SMC2: variants seen among roughly 807,000 people sequenced by gnomAD.
The protein encoded by SMC2 is structural maintenance of chromosomes 2.
SMC2 carries 41 observed loss-of-function variants against 142.6 expected under a neutral mutation model. The observed-to-expected ratio is 0.29, with a 90% CI of 0.22 to 0.37. SMC2 has a LOEUF of 0.37. Ranked by LOEUF, SMC2 falls within the 10% of genes least tolerant of loss-of-function variation. The pLI is 1.00. For missense variants in SMC2, 1,265 were observed against 1,373.7 expected, an observed-to-expected ratio of 0.92 and a Z score of 1.25; for synonymous variants, 463 against 457.5, an observed-to-expected ratio of 1.01 and a Z score of -0.15.
rs533558909 is a variant in SMC2 at position 104,129,856 on chromosome 9, T to G, written c.2991+11T>G. On this transcript the variant is annotated intron_variant, in intron 21 of 24. Transcript: ENST00000374793. ...GAAGCTGAAGAGCGAGTAAGTCAATTTCTTATGAATATCTGGCCGCATTAG... is the reference window on the plus strand; with the variant it reads ...GAAGCTGAAGAGCGAGTAAGTCAATGTCTTATGAATATCTGGCCGCATTAG... 1.2e-6 allele frequency: 2 copies of G among 1,600,360 alleles called. No homozygotes were observed. The highest frequency in any genetic ancestry group is 1.3e-5 in the African/African-American group (1 of 74,728).
chr9:104,111,704 G>A lies in SMC2; in HGVS notation c.1144G>A (p.Ala382Thr), dbSNP rs375645056. Reference sequence around the variant, plus strand: ...GGCAGCTGCACAGCAGCACTTCAATGCTGTTTCCGCTGGCCTGTCCAGTAA... The same window carrying A: ...GGCAGCTGCACAGCAGCACTTCAATACTGTTTCCGCTGGCCTGTCCAGTAA... ...ALAAAQQHFN[A>T]VSAGLSSNED... Residue 382 changes from alanine to threonine, a missense_variant, in exon 10 of 25, where the codon GCT becomes ACT. By Grantham distance (58) the Ala-to-Thr change is moderately conservative. Transcript: ENST00000374793. The A allele has an allele frequency of 1.2e-6, 2 of 1,613,990 alleles. No individual in the cohort carries two copies. Among genetic ancestry groups the A allele is most frequent in the Non-Finnish European group, 1.7e-6 (2 of 1,179,970 alleles).
chr9:104,110,089 A>T (rs1261961640), intron 9 of SMC2, among the ~76,000 whole-genome samples: 3 of 152,200 alleles, frequency 2.0e-5, no homozygotes, highest in Non-Finnish European at 4.4e-5. Context: ...TAAGTTGCAG[A>T]GCTCAGTAGA....
upstream of SMC2, chr9:104,092,336 C>A (rs1388775342): frequency 1.3e-5 from 2 of 152,188 alleles, no homozygotes; most frequent in African/African-American, 4.8e-5. Flanking sequence ...ATGTTTTCAT[C>A]CATGTGACGT....
At chr9:104,124,119 G>GTC (rs1206876525) in intron 17 of SMC2, among the ~76,000 whole-genome samples, 1 of 152,252 alleles carries the variant, frequency 6.6e-6, no homozygotes, top group East Asian at 1.9e-4. Context: ...TTGAGACGGA[G>GTC]TCTCTCTCTG....
chr9:104,089,660 A>AT (rs551561937), upstream of SMC2, among the ~76,000 whole-genome samples: 16 of 150,640 alleles, frequency 1.1e-4, no homozygotes, highest in Middle Eastern at 3.4e-3. Context: ...GTACATGAAA[A>AT]TTTTTTTTTT....
At chr9:104,104,134 AGGT>A (rs1350352044) in intron 9 of SMC2, among the ~76,000 whole-genome samples, 2 of 152,132 alleles carry the variant, frequency 1.3e-5, no homozygotes, top group Admixed American at 1.3e-4. Flanking sequence ...CTCACGCCAT[AGGT>A]GGTCTCATCC....
chr9:104,138,267 A>ATCAACCC, intron 24 of SMC2, 102 bp downstream of exon 24: 1 of 926,540 alleles, frequency 1.1e-6, no homozygotes, highest in Non-Finnish European at 1.5e-6. Flanking sequence ...TTTAGGGTTG[A>ATCAACCC]TAAATACTAA....
chr9:104,097,737 C>G (rs1830619307), intron 3 of SMC2, among the ~76,000 whole-genome samples: 1 of 152,092 alleles, frequency 6.6e-6, no homozygotes, highest in South Asian at 2.1e-4. Flanking sequence ...GAACTACCAA[C>G]CTAGTAGTCC....
chr9:104,106,389 T>A (rs1040433535), intron 9 of SMC2, among the ~76,000 whole-genome samples: 5 of 152,144 alleles, frequency 3.3e-5, no homozygotes, highest in African/African-American at 1.2e-4. Context: ...TATTTTATTT[T>A]ATTTATTTAT....
rs139309078 is a variant in SMC2, at chr9:104,118,297, G to A, written c.1918G>A (p.Ala640Thr). 15 of 1,613,400 alleles carry A rather than the reference G, an allele frequency of 9.3e-6. No individual in the cohort carries two copies. The highest frequency in any genetic ancestry group is 5.0e-5 in the Admixed American group (3 of 59,956). ...CAATATGGATAATGCCAAAAAAGTG[G>A]CCTTTGATAAGAGGATAATGACTAG... ...CDNMDNAKKV[A>T]FDKRIMTRTV... is the part of the protein sequence containing the mutation. The change falls in exon 15 of 25, where the codon GCC (alanine) becomes ACC (threonine). Residue 640 changes from alanine (A) to threonine (T), a missense_variant. Ala to Thr is a moderately conservative substitution (Grantham distance 58). Transcript: ENST00000374793.
chr9:104,120,924 A>G (rs754516663), intron 16 of SMC2, among the ~76,000 whole-genome samples: 2 of 152,176 alleles, frequency 1.3e-5, no homozygotes, highest in Non-Finnish European at 2.9e-5. Context: ...AGCGGATGAT[A>G]AAGAAAGATA....
Position 104,139,229 on chromosome 9 carries a change from A to G in SMC2, c.3508A>G (p.Arg1170Gly). 1 of 1,602,544 alleles carries G rather than the reference A, an allele frequency of 6.2e-7. No homozygotes were observed. Among genetic ancestry groups the G allele is most frequent in the Non-Finnish European group, 8.5e-7 (1 of 1,176,034 alleles). ...KFVDGVSTVA[R>G]FTQCQNGKIS... Reference sequence around the variant, plus strand: ...TGTGGATGGTGTTTCTACAGTAGCCAGATTTACTCAATGTCAAAATGGAAA... The same window carrying G: ...TGTGGATGGTGTTTCTACAGTAGCCGGATTTACTCAATGTCAAAATGGAAA... The change falls in exon 25 of 25, where the codon AGA becomes GGA. Residue 1170 changes from arginine to glycine, a missense_variant. Transcript: ENST00000374793.
At chr9:104,112,126 C>G (rs1375852352) in intron 10 of SMC2, among the ~76,000 whole-genome samples, 1 of 152,118 alleles carries the variant, frequency 6.6e-6, no homozygotes, top group Non-Finnish European at 1.5e-5. Flanking sequence ...TTATTCTTGT[C>G]TCTTTTTGGC....
chr9:104,096,989 T>C (rs186505110), intron 3 of SMC2, among the ~76,000 whole-genome samples: 3 of 152,290 alleles, frequency 2.0e-5, no homozygotes, highest in Admixed American at 1.3e-4. Flanking sequence ...TATTCTACTT[T>C]TATTTTTCCC....
intron 18 of SMC2, 80 bp from the exon 19 acceptor site, chr9:104,126,557 ATTAT>A (rs35219521): frequency 0.53 from 528,316 of 1,006,052 alleles, 143,212 homozygotes; most frequent in Middle Eastern, 0.58. Flanking sequence ...GCATGAGATT[ATTAT>A]TTATTTAATT....
upstream of SMC2, among the ~76,000 whole-genome samples, chr9:104,091,926 C>T (rs185953366): frequency 1.2e-4 from 19 of 152,306 alleles, no homozygotes; most frequent in East Asian, 3.7e-3. Context: ...GCTTGAAACA[C>T]TGCCCGCTAG....
At chr9:104,096,320 G>A in intron 3 of SMC2, 23 bp downstream of exon 3, 1 of 1,611,162 alleles carries the variant, frequency 6.2e-7, no homozygotes, top group African/African-American at 1.3e-5. Context: ...TAAACCTTTG[G>A]GTATCTTAAG....
At chr9:104,090,108 C>A (rs1829966711), upstream of SMC2, among the ~76,000 whole-genome samples, 1 of 152,128 alleles carries the variant, frequency 6.6e-6, no homozygotes, top group African/African-American at 2.4e-5. Context: ...ATGAGAAGAC[C>A]TCCTCCAACA....
chr9:104,126,892 T>TGA, intron 19 of SMC2, 108 bp downstream of exon 19: 1 of 1,081,860 alleles, frequency 9.2e-7, no homozygotes, highest in African/African-American at 1.6e-5. Context: ...CTCGTCATCA[T>TGA]GAGAGAATGA....
Sources: allele counts gnomAD v4.1 joint callset (sites outside exome capture counted in the v4.1 genomes callset), GRCh38; gene constraint gnomAD v4.1.1; transcripts MANE v1.5; gene names NCBI Gene and HGNC (gene_info 2026-07-23, HGNC 2026-07-21).